The following NLGN4X variants were observed in gnomAD, a reference collection of about 807,000 sequenced individuals.
NLGN4X encodes the protein neuroligin-4, X-linked.
NLGN4X carries 3 observed loss-of-function variants against 40.3 expected under a neutral mutation model. The ratio of observed to expected loss-of-function variants is 0.07; its 90% CI spans 0.03 to 0.19. The LOEUF (loss-of-function observed/expected upper bound fraction) is 0.19. NLGN4X is among the 10% of genes least tolerant of loss of function. NLGN4X has a pLI of 1.00. For synonymous variants in NLGN4X, 270 were observed against 306.8 expected, an observed-to-expected ratio of 0.88 and a Z score of 1.25; for missense variants, 382 against 708.3, an observed-to-expected ratio of 0.54 and a Z score of 5.23.
chrX:6,224,530 C>T (rs1263913147), intron 1 of NLGN4X, among the ~76,000 whole-genome samples: 1 of 111,321 alleles, frequency 9.0e-6, no homozygotes, highest in East Asian at 2.8e-4. Flanking sequence ...ATATATTTAC[C>T]ATTAGGCTAC....
chrX:6,112,166 G>T (rs1012195544), intron 2 of NLGN4X, among the ~76,000 whole-genome samples: 13 of 111,510 alleles, frequency 1.2e-4, no homozygotes, highest in African/African-American at 3.6e-4. Context: ...GCAGAGGGGG[G>T]ACAAGGACTA....
At chrX:6,144,584 G>C (rs1484352191) in intron 2 of NLGN4X, among the ~76,000 whole-genome samples, 1 of 111,283 alleles carries the variant, frequency 9.0e-6, no homozygotes, top group Non-Finnish European at 1.9e-5. Flanking sequence ...GTCTCTTCCG[G>C]CTTCTAGAGA....
At chrX:6,029,239 G>A (rs948253921) in intron 3 of NLGN4X, 41 bp downstream of exon 3, 5 of 1,196,669 alleles carry the variant, frequency 4.2e-6, no homozygotes, top group Middle Eastern at 3.0e-4. Flanking sequence ...GACTTTTCAT[G>A]TTTCCTCTTG....
intron 1 of NLGN4X, among the ~76,000 whole-genome samples, chrX:6,180,821 A>G (rs765197282): frequency 1.9e-5 from 2 of 106,143 alleles, no homozygotes; most frequent in East Asian, 5.8e-4. Context: ...TTTTTTTTTT[A>G]TGTTAACTTT....
chrX:6,020,619 T>G (rs983112091), intron 3 of NLGN4X, among the ~76,000 whole-genome samples: 1 of 112,114 alleles, frequency 8.9e-6, no homozygotes. Context: ...ACCAGAAAAA[T>G]AAGCATTTGA....
chrX:6,050,776 C>T (rs201336456), intron 2 of NLGN4X, among the ~76,000 whole-genome samples: 71 of 103,400 alleles, frequency 6.9e-4, no homozygotes, highest in Middle Eastern at 0.01. Flanking sequence ...TCTGTCTGTC[C>T]ATCTATCTAT....
chrX:6,211,860 GT>G (rs1271572047), intron 1 of NLGN4X, among the ~76,000 whole-genome samples: 1 of 111,668 alleles, frequency 9.0e-6, no homozygotes. Flanking sequence ...TGATGATCCA[GT>G]TTTACATTTC....
At chrX:6,142,499 C>T (rs2039968871) in intron 2 of NLGN4X, among the ~76,000 whole-genome samples, 1 of 112,442 alleles carries the variant, frequency 8.9e-6, no homozygotes, top group African/African-American at 3.2e-5. Flanking sequence ...TACACAATGT[C>T]AAACATCCAA....
intron 3 of NLGN4X, among the ~76,000 whole-genome samples, chrX:5,926,698 T>C (rs757722025): frequency 8.4e-4 from 92 of 109,261 alleles, no homozygotes; most frequent in African/African-American, 2.9e-3. Flanking sequence ...ATTTGGGCCT[T>C]TGTGTTTTTA....
intron 1 of NLGN4X, among the ~76,000 whole-genome samples, chrX:6,156,234 G>A (rs2040261846): frequency 8.9e-6 from 1 of 112,192 alleles, no homozygotes; most frequent in Non-Finnish European, 1.9e-5. Context: ...AAATCAGCCG[G>A]CGCGGTGGCT....
intron 2 of NLGN4X, among the ~76,000 whole-genome samples, chrX:6,126,380 A>G (rs2039546564): frequency 9.0e-6 from 1 of 111,536 alleles, no homozygotes; most frequent in African/African-American, 3.3e-5. Flanking sequence ...GGAAATGAAA[A>G]TTACAAGTAT....
At chrX:6,011,177 T>A (rs925465046) in intron 3 of NLGN4X, among the ~76,000 whole-genome samples, 6 of 110,195 alleles carry the variant, frequency 5.4e-5, no homozygotes, top group African/African-American at 2.0e-4. Context: ...AATATGATAA[T>A]AAAAAAGAAA....
chrX:6,137,644 A>C (rs2039850111), intron 2 of NLGN4X, among the ~76,000 whole-genome samples: 1 of 111,945 alleles, frequency 8.9e-6, no homozygotes, highest in African/African-American at 3.2e-5. Context: ...TCAAATTTAG[A>C]TAATGATGAT....
chrX:6,213,026 C>A (rs1025257628), intron 1 of NLGN4X, among the ~76,000 whole-genome samples: 1 of 111,158 alleles, frequency 9.0e-6, no homozygotes, highest in African/African-American at 3.3e-5. Context: ...AATTCTGCCT[C>A]TTCTCCCACC....
intron 2 of NLGN4X, among the ~76,000 whole-genome samples, chrX:6,105,110 G>C (rs753838860): frequency 9.1e-6 from 1 of 109,931 alleles, no homozygotes; most frequent in South Asian, 4.0e-4. Context: ...TCCCAGGCTG[G>C]AATGCAGTGG....
intron 2 of NLGN4X, among the ~76,000 whole-genome samples, chrX:6,043,152 CACACACAA>C (rs748579161): frequency 0.018 from 1,919 of 105,456 alleles, 13 homozygotes; most frequent in Non-Finnish European, 0.028. Flanking sequence ...CACACACACA[CACACACAA>C]ACACACGTAT....
chrX:6,115,822 G>C (rs1219288274), intron 2 of NLGN4X, among the ~76,000 whole-genome samples: 1 of 111,402 alleles, frequency 9.0e-6, no homozygotes, highest in Non-Finnish European at 1.9e-5. Flanking sequence ...ACCTGACTCT[G>C]TGGCTCTCAA....
chrX:5,915,377 A>C (rs187654578), intron 3 of NLGN4X, among the ~76,000 whole-genome samples: 2 of 112,164 alleles, frequency 1.8e-5, no homozygotes, highest in Admixed American at 9.5e-5. Flanking sequence ...ATAAAAAAAA[A>C]CTGAAATTGA....
intron 3 of NLGN4X, among the ~76,000 whole-genome samples, chrX:6,020,654 G>A (rs1450099144): frequency 1.8e-5 from 2 of 111,810 alleles, no homozygotes; most frequent in Non-Finnish European, 3.8e-5. Flanking sequence ...GAATTAGCTC[G>A]ATTTAGCCAT....
Sources: gnomAD v4.1 joint callset for allele counts (sites outside exome capture counted in the v4.1 genomes callset) on GRCh38, gnomAD v4.1.1 for gene constraint, MANE v1.5 for transcripts, NCBI Gene and HGNC (gene_info 2026-07-23, HGNC 2026-07-21) for gene names.